The following GTPBP1 variants were observed in gnomAD, a reference collection of about 807,000 sequenced individuals.
GTPBP1 encodes GTP binding protein 1, also known as GTP-binding protein 1.
In GTPBP1, 23 loss-of-function variants were observed where a neutral mutation model predicts 62.0. The ratio of observed to expected loss-of-function variants is 0.37; its 90% CI spans 0.27 to 0.53. The LOEUF (loss-of-function observed/expected upper bound fraction) is 0.53. GTPBP1 is among the 20% of genes least tolerant of loss of function. The pLI, the probability that GTPBP1 is intolerant of heterozygous loss-of-function variation, is 0.89. For synonymous variants in GTPBP1, 344 were observed against 364.4 expected (o/e 0.94, Z 0.64); for missense variants, 640 against 917.3 (o/e 0.70, Z 3.90).
At chr22:38,725,933 G>A in intron 6 of GTPBP1, 73 bp from the exon 7 acceptor site, 1 of 1,429,934 alleles carries the variant, frequency 7.0e-7, no homozygotes, top group Non-Finnish European at 9.8e-7. Flanking sequence ...GCTGCCCCTG[G>A]TCTGTGTCAG....
chr22:38,723,895 C>G (rs1005983584), intron 5 of GTPBP1, among the ~76,000 whole-genome samples: 1 of 152,210 alleles, frequency 6.6e-6, no homozygotes, highest in African/African-American at 2.4e-5. Flanking sequence ...TAATAAGGGT[C>G]TCTGTAGACT....
chr22:38,734,621 C>T (rs750532937), downstream of GTPBP1: 8 of 230,802 alleles, frequency 3.5e-5, no homozygotes, highest in Non-Finnish European at 7.1e-5. Flanking sequence ...TTCTGAACTT[C>T]AGGAATAAGT....
chr22:38,709,455 G>T (rs1220291453), intron 2 of GTPBP1, among the ~76,000 whole-genome samples: 1 of 152,138 alleles, frequency 6.6e-6, no homozygotes. Context: ...TAATATGCTT[G>T]ACTTTCCAAG....
intron 5 of GTPBP1, among the ~76,000 whole-genome samples, chr22:38,723,838 C>T (rs1465610822): frequency 6.6e-6 from 1 of 152,216 alleles, no homozygotes; most frequent in Admixed American, 6.5e-5. Context: ...ATGCCTTTCT[C>T]CCTCACTGCT....
chr22:38,715,840 CTGGCTGGT>C, intron 2 of GTPBP1, 59 bp from the exon 3 acceptor site: 4 of 1,379,330 alleles, frequency 2.9e-6, no homozygotes, highest in Non-Finnish European at 4.0e-6. Flanking sequence ...GGGTTCCTGG[CTGGCTGGT>C]TGGCAGGCTG....
chr22:38,736,626 CGTT>C, downstream of GTPBP1: 1 of 354,908 alleles, frequency 2.8e-6, no homozygotes, highest in Middle Eastern at 7.5e-4. Context: ...CATCCACAAT[CGTT>C]TTTTTATTGT....
In GTPBP1 at chr22:38,731,010, T is replaced by TTG. The variant is rs397836314; in HGVS notation, c.*345_*346dup. On this transcript the variant is annotated 3_prime_UTR_variant, in exon 12 of 12. Coordinates refer to ENST00000216044, the MANE Select transcript of GTPBP1 (RefSeq NM_004286.5). ...TATTATATGTCTCTGTCTCTCTCTA[T>TTG]TGTGTGTGTGTGTGTGTGTGTGTGT... 57,502 of 183,152 alleles carry TTG rather than the reference T, an allele frequency of 0.31. 11,305 individuals carry two copies. The highest frequency in any genetic ancestry group is 0.48 in the Admixed American group (7,570 of 15,860). 11.3% of individuals were successfully genotyped at this position (183,152 alleles called of 1,614,324 possible).
At chr22:38,740,466 C>A (rs1443328606), downstream of GTPBP1, 1 of 1,440,050 alleles carries the variant, frequency 6.9e-7, no homozygotes, top group East Asian at 2.6e-5. The surrounding 1 kb of genome is among the most constrained non-coding windows in gnomAD (Gnocchi z 4.8). Context: ...AGCCTCGGAT[C>A]TCTTTGGTGG....
chr22:38,738,376 G>T, downstream of GTPBP1: 1 of 1,129,814 alleles, frequency 8.9e-7, no homozygotes, highest in South Asian at 1.5e-5. The surrounding 1 kb of genome is among the most constrained non-coding windows in gnomAD (Gnocchi z 6.6). Flanking sequence ...AGTGGCCTAT[G>T]ACAAGTCACT....
At chr22:38,709,032 C>T in intron 2 of GTPBP1, 76 bp downstream of exon 2, 1 of 882,502 alleles carries the variant, frequency 1.1e-6, no homozygotes, top group Non-Finnish European at 1.9e-6. Context: ...CCTGTAATCC[C>T]AGCACTTTGG....
At chr22:38,736,479 G>T (rs2092806490), downstream of GTPBP1, 1 of 867,810 alleles carries the variant, frequency 1.2e-6, no homozygotes, top group Non-Finnish European at 1.7e-6. Flanking sequence ...GGGCCAGATG[G>T]CTCCCCTGCT....
intron 5 of GTPBP1, among the ~76,000 whole-genome samples, chr22:38,722,148 G>A (rs377340874): frequency 1.4e-4 from 21 of 152,214 alleles, no homozygotes; most frequent in East Asian, 1.2e-3. Flanking sequence ...GACAAAGTTA[G>A]CTAATGAATA....
rs1450785505 is a variant in GTPBP1, at chr22:38,727,380, G to A, written c.1537+32G>A. 2 of 1,504,162 alleles carry A rather than the reference G, an allele frequency of 1.3e-6. No homozygotes were observed. Among genetic ancestry groups the A allele is most frequent in the African/African-American group, 2.9e-5 (2 of 70,028 alleles). 93.2% of individuals were successfully genotyped at this position (1,504,162 alleles called of 1,614,324 possible). ...GTCTAAGGCCCTGCCAGCCCAGGAG[G>A]CCGTCGTGTTAGCTCCCCTCAGAAG... On this transcript the variant is annotated intron_variant, in intron 9 of 11. Transcript: ENST00000216044. The surrounding 1 kb of genome is among the most constrained non-coding windows in gnomAD (Gnocchi z 6.5).
downstream of GTPBP1, chr22:38,740,178 G>A: frequency 7.0e-7 from 1 of 1,426,102 alleles, no homozygotes; most frequent in South Asian, 1.5e-5. The surrounding 1 kb of genome is among the most constrained non-coding windows in gnomAD (Gnocchi z 4.8). Context: ...AGGCTGCAGG[G>A]GCAAGGGGTG....
In GTPBP1 at chr22:38,729,498, A is replaced by G; in HGVS notation, c.1753A>G (p.Lys585Glu). The stretch of plus-strand genomic sequence containing the variant: ...CACCAACAACTCCCCAATGAACTCC[A>G]AGCCGCAGCAGATTAAAATGCAGTC... Reference protein sequence around the residue: ...QTTNNSPMNSKPQQIKMQSTK... With the variant: ...QTTNNSPMNSEPQQIKMQSTK... The change falls in exon 11 of 12, where the codon AAG becomes GAG. Residue 585 changes from lysine to glutamate, a missense_variant. Around this residue, in one of 4 missense-constraint regions of GTPBP1, gnomAD observed 220 missense variants for 358.1 expected, o/e 0.61. Coordinates refer to ENST00000216044, the MANE Select transcript of GTPBP1 (RefSeq NM_004286.5). The G allele has an allele frequency of 6.2e-7, 1 of 1,609,246 alleles. No homozygotes were observed. The highest frequency in any genetic ancestry group is 8.5e-7 in the Non-Finnish European group (1 of 1,178,066).
chr22:38,719,765 ACT>A (rs765625117), intron 4 of GTPBP1, among the ~76,000 whole-genome samples: 1 of 151,854 alleles, frequency 6.6e-6, no homozygotes, highest in Non-Finnish European at 1.5e-5. Flanking sequence ...CCTGTCTCCT[ACT>A]GTTTTTACAA....
chr22:38,712,769 C>G (rs1178931008), intron 2 of GTPBP1, among the ~76,000 whole-genome samples: 2 of 152,114 alleles, frequency 1.3e-5, no homozygotes, highest in Non-Finnish European at 2.9e-5. Context: ...AGAACAGGAG[C>G]AGGGGAGGTT....
At chr22:38,719,505 A>G (rs981337151) in intron 4 of GTPBP1, among the ~76,000 whole-genome samples, 1 of 151,790 alleles carries the variant, frequency 6.6e-6, no homozygotes, top group African/African-American at 2.4e-5. Context: ...AGATCTTGCT[A>G]TGTTGCCAAG....
intron 1 of GTPBP1, among the ~76,000 whole-genome samples, chr22:38,707,076 C>G (rs771815823): frequency 6.6e-6 from 1 of 152,178 alleles, no homozygotes; most frequent in Admixed American, 6.5e-5. Context: ...ACCACCTCAT[C>G]TTAAGAAAGT....
Sources: gnomAD v4.1 joint callset for allele counts (sites outside exome capture counted in the v4.1 genomes callset) on GRCh38, gnomAD v4.1.1 for gene constraint, gnomAD v4.1.1 regional missense constraint, Gnocchi (gnomAD v3.1) non-coding constraint, MANE v1.5 for transcripts, NCBI Gene and HGNC (gene_info 2026-07-23, HGNC 2026-07-21) for gene names.